STK39: variants seen among roughly 807,000 people sequenced by gnomAD.
STK39 encodes the protein serine/threonine kinase 39.
A neutral mutation model predicts 77.8 loss-of-function variants in STK39; 20 were observed. The ratio of observed to expected loss-of-function variants is 0.26; its 90% confidence interval spans 0.18 to 0.37. The LOEUF is 0.37. Ranked by LOEUF, STK39 falls within the 10% of genes least tolerant of loss-of-function variation. The pLI is 1.00. For synonymous variants in STK39, 246 were observed against 234.1 expected, an observed-to-expected ratio of 1.05 and a Z score of -0.47; for missense variants, 479 against 656.5, an observed-to-expected ratio of 0.73 and a Z score of 2.95.
chr2:168,070,956 A>T (rs1286005643), intron 12 of STK39, among the ~76,000 whole-genome samples: 3 of 152,118 alleles, frequency 2.0e-5, no homozygotes, highest in African/African-American at 7.2e-5. Flanking sequence ...TCCAAATACG[A>T]CCCAGGATGA....
intron 2 of STK39, among the ~76,000 whole-genome samples, chr2:168,174,349 GCTTC>G (rs1688903293): frequency 2.6e-5 from 4 of 152,268 alleles, no homozygotes; most frequent in Admixed American, 2.6e-4. Flanking sequence ...AGGCCTACTT[GCTTC>G]GTTATAATGT....
chr2:168,221,321 G>T lies in STK39; in HGVS notation c.208+25907C>A, dbSNP rs76421703. Among the ~76,000 whole-genome samples the T allele has an allele frequency of 8.2e-4, 125 of 152,260 alleles. 3 individuals carry two copies. In the East Asian group the frequency reaches 0.023, roughly 28 times the overall value. ...GAGTCCAGAGTTTACATACAAGCTA[G>T]AACATTATGTTAATACATGCGTGTC... On this transcript the variant is annotated intron_variant, in intron 1 of 17. Coordinates refer to ENST00000355999, the MANE Select transcript of STK39 (RefSeq NM_013233.3).
At chr2:168,200,825 G>T (rs1352618755) in intron 1 of STK39, among the ~76,000 whole-genome samples, 3 of 152,058 alleles carry the variant, frequency 2.0e-5, no homozygotes, top group African/African-American at 7.2e-5. Flanking sequence ...AGAATTATAT[G>T]GTCTTTAGTT....
intron 10 of STK39, among the ~76,000 whole-genome samples, chr2:168,111,256 ACTTC>A (rs1559102306): frequency 1.3e-5 from 2 of 152,084 alleles, no homozygotes; most frequent in Admixed American, 1.3e-4. Context: ...ACCTTTATCA[ACTTC>A]CTTCCACTTT....
chr2:168,169,391 T>C (rs374028523), intron 2 of STK39, among the ~76,000 whole-genome samples: 2 of 152,312 alleles, frequency 1.3e-5, no homozygotes, highest in East Asian at 3.9e-4. Context: ...ACGAGAACAA[T>C]GTCTCTTAAA....
At chr2:168,019,948 G>A (rs910350976) in intron 14 of STK39, among the ~76,000 whole-genome samples, 4 of 152,084 alleles carry the variant, frequency 2.6e-5, no homozygotes, top group African/African-American at 9.7e-5. Flanking sequence ...CAAGTGATCA[G>A]CCTGCCTCAG....
intron 1 of STK39, among the ~76,000 whole-genome samples, chr2:168,189,950 G>A (rs1325239702): frequency 6.6e-6 from 1 of 152,172 alleles, no homozygotes; most frequent in Non-Finnish European, 1.5e-5. Flanking sequence ...GGGGAGTATA[G>A]GGAGAAGAGA....
At chr2:168,014,190 C>A (rs1684347573) in intron 15 of STK39, among the ~76,000 whole-genome samples, 2 of 152,068 alleles carry the variant, frequency 1.3e-5, no homozygotes, top group African/African-American at 4.8e-5. Context: ...GCCAGCAGTA[C>A]AAAAAACACC....
intron 10 of STK39, among the ~76,000 whole-genome samples, chr2:168,076,877 G>A (rs1004482102): frequency 1.3e-5 from 2 of 152,190 alleles, no homozygotes; most frequent in East Asian, 1.9e-4. Context: ...TGTTGGCAAA[G>A]TACTATAGAA....
chr2:168,031,113 C>T (rs1684822597), intron 14 of STK39, among the ~76,000 whole-genome samples: 1 of 152,148 alleles, frequency 6.6e-6, no homozygotes, highest in Admixed American at 6.5e-5. Context: ...ACTCCTCTGG[C>T]CTGCCCTGGA....
rs1014262608 is a variant in STK39 at position 168,109,793 on chromosome 2, C to T, written c.1089+19748G>A. Among the ~76,000 whole-genome samples, 7 of 152,320 alleles carry T rather than the reference C, an allele frequency of 4.6e-5. No individual in the cohort carries two copies. In the East Asian group the frequency reaches 5.8e-4, roughly 13 times the overall value. Reference sequence around the variant, plus strand: ...AAAATGGAACATGTTTTCTGATATACATTTTCTTAAATACTAATGATGCTG... The same window carrying T: ...AAAATGGAACATGTTTTCTGATATATATTTTCTTAAATACTAATGATGCTG... On this transcript the variant is annotated intron_variant, in intron 10 of 17. Coordinates refer to ENST00000355999, the MANE Select transcript of STK39 (RefSeq NM_013233.3).
intron 1 of STK39, among the ~76,000 whole-genome samples, chr2:168,219,201 G>A (rs868607285): frequency 2.6e-5 from 4 of 151,926 alleles, no homozygotes; most frequent in African/African-American, 2.4e-5. Context: ...CAGGAGAATC[G>A]CTTGAACTCA....
chr2:168,242,020 T>C (rs957675973), intron 1 of STK39, among the ~76,000 whole-genome samples: 6 of 152,118 alleles, frequency 3.9e-5, no homozygotes, highest in Admixed American at 3.3e-4. Context: ...AAATGTACTA[T>C]ACAATAAACC....
At chr2:168,129,311 A>AT (rs1315952719) in intron 10 of STK39, among the ~76,000 whole-genome samples, 1 of 152,254 alleles carries the variant, frequency 6.6e-6, no homozygotes, top group Admixed American at 6.5e-5. Context: ...AGCAAAGCTG[A>AT]TAAAGGGAAA....
intron 1 of STK39, among the ~76,000 whole-genome samples, chr2:168,212,249 T>C (rs986031052): frequency 2.0e-5 from 3 of 152,222 alleles, no homozygotes; most frequent in African/African-American, 7.2e-5. Flanking sequence ...GACGAATATA[T>C]TCGTTCAGTG....
chr2:168,109,453 T>C (rs1352938386), intron 10 of STK39, among the ~76,000 whole-genome samples: 2 of 152,264 alleles, frequency 1.3e-5, no homozygotes, highest in Non-Finnish European at 2.9e-5. Context: ...AATGTGTGGA[T>C]AGACAGCATT....
chr2:168,066,399 T>C (rs977662072), intron 12 of STK39, among the ~76,000 whole-genome samples: 7 of 152,240 alleles, frequency 4.6e-5, no homozygotes, highest in Admixed American at 3.3e-4. Flanking sequence ...GCTCTATTTA[T>C]TTTTACGATA....
At chr2:167,958,417 C>T (rs1161122220) in intron 17 of STK39, among the ~76,000 whole-genome samples, 4 of 152,066 alleles carry the variant, frequency 2.6e-5, no homozygotes, top group African/African-American at 9.7e-5. Context: ...ATTCATTAAA[C>T]TTAACAATAA....
chr2:168,063,356 G>A (rs1025272131), intron 14 of STK39, 144 bp downstream of exon 14: 3 of 668,274 alleles, frequency 4.5e-6, no homozygotes, highest in South Asian at 2.1e-5. Flanking sequence ...TTAGCCCTGG[G>A]AATACAGCAT....
Sources: gnomAD v4.1 joint callset for allele counts (sites outside exome capture counted in the v4.1 genomes callset) on GRCh38, gnomAD v4.1.1 for gene constraint, MANE v1.5 for transcripts, NCBI Gene and HGNC (gene_info 2026-07-23, HGNC 2026-07-21) for gene names.